Variants in OR4K1 observed in about 807,000 individuals in gnomAD.
The protein encoded by OR4K1 is olfactory receptor family 4 subfamily K member 1, also known as olfactory receptor 4K1.
Under a neutral mutation model 14.4 loss-of-function variants are expected in OR4K1, and 16 were observed. The observed-to-expected ratio is 1.11, with a 90% CI of 0.75 to 1.68. The LOEUF is 1.68. Among genes scored for constraint, OR4K1 ranks in the 40% most tolerant of loss-of-function variants. The pLI is 0.00. For missense variants in OR4K1, 548 were observed against 376.9 expected (o/e 1.45, Z -3.76); for synonymous variants, 181 against 133.1 (o/e 1.36, Z -2.48).
chr14:19,920,950 T>G, the OR4K1 span: 3 of 1,614,200 alleles, frequency 1.9e-6, no homozygotes, highest in Admixed American at 1.7e-5. Context: ...ATGGTGCTAC[T>G]TGTTTCGATG....
the OR4K1 span, among the ~76,000 whole-genome samples, chr14:19,923,175 T>C: frequency 6.6e-6 from 1 of 152,260 alleles, no homozygotes; most frequent in Admixed American, 6.5e-5. Flanking sequence ...TGTTCATTAT[T>C]TCCCTCAATT....
upstream of OR4K1, among the ~76,000 whole-genome samples, chr14:19,930,377 A>G (rs1053730640): frequency 1.3e-5 from 2 of 152,206 alleles, no homozygotes; most frequent in African/African-American, 4.8e-5. Context: ...TATAAAATAT[A>G]GTTGAAAAAG....
chr14:19,921,030 A>C, the OR4K1 span: 1 of 1,614,192 alleles, frequency 6.2e-7, no homozygotes, highest in Non-Finnish European at 8.5e-7. Context: ...AAGGACATGC[A>C]CTGTCTTGGT....
the OR4K1 span, chr14:19,921,622 A>AT: frequency 6.5e-7 from 1 of 1,531,278 alleles, no homozygotes; most frequent in Non-Finnish European, 8.8e-7. Context: ...ACTGTTTAAT[A>AT]TTTTAATGTA....
At chr14:19,932,211 A>G (rs2873706) in intron 1 of OR4K1, among the ~76,000 whole-genome samples, 10,057 of 151,378 alleles carry the variant, frequency 0.066, 560 homozygotes, top group East Asian at 0.47. Context: ...TCAAAAGTAT[A>G]TTTTTCAAAG....
the OR4K1 span, chr14:19,921,218 A>T: frequency 1.9e-6 from 3 of 1,614,180 alleles, no homozygotes; most frequent in Non-Finnish European, 2.5e-6. Context: ...TCAATAGTGG[A>T]ATTCTTTCCC....
At chr14:19,928,179 A>C (rs1244497006), upstream of OR4K1, among the ~76,000 whole-genome samples, 2 of 152,238 alleles carry the variant, frequency 1.3e-5, no homozygotes, top group East Asian at 3.8e-4. Flanking sequence ...CAAGGAATAG[A>C]CAAGGCATAG....
chr14:19,922,078 C>CT, the OR4K1 span, among the ~76,000 whole-genome samples: 30 of 150,596 alleles, frequency 2.0e-4, no homozygotes, highest in Admixed American at 1.5e-3. Context: ...CTCCCCCCCC[C>CT]AAAAATCAAT....
At chr14:19,920,757 TCTGATACCAGC>T in the OR4K1 span, 1 of 1,614,176 alleles carries the variant, frequency 6.2e-7, no homozygotes, top group South Asian at 1.1e-5. Context: ...CACAGTGACT[TCTGATACCAGC>T]CTGCACTCCC....
At chr14:19,926,775 C>A (rs1029397367), upstream of OR4K1, among the ~76,000 whole-genome samples, 7 of 152,176 alleles carry the variant, frequency 4.6e-5, no homozygotes, top group African/African-American at 1.7e-4. Context: ...GACCAGAAAT[C>A]CAATGAAATG....
the OR4K1 span, among the ~76,000 whole-genome samples, chr14:19,920,285 A>G: frequency 6.6e-6 from 1 of 152,232 alleles, no homozygotes; most frequent in African/African-American, 2.4e-5. Context: ...TCACTCCTCT[A>G]GTCTTGTTGT....
chr14:19,920,840 C>T, the OR4K1 span: 1 of 1,614,164 alleles, frequency 6.2e-7, no homozygotes, highest in African/African-American at 1.3e-5. Flanking sequence ...CTTTTGCTAC[C>T]CCTAAAATGA....
chr14:19,926,745 C>A (rs537647475), upstream of OR4K1, among the ~76,000 whole-genome samples: 39 of 152,320 alleles, frequency 2.6e-4, no homozygotes, highest in East Asian at 7.4e-3. Flanking sequence ...TGCAAACTGC[C>A]CAGCCATTCA....
the OR4K1 span, chr14:19,921,011 C>A: frequency 6.2e-7 from 1 of 1,614,072 alleles, no homozygotes; most frequent in African/African-American, 1.3e-5. Flanking sequence ...ATGTGGTCAT[C>A]ATGAGCCGAA....
At chr14:19,923,360 T>A in the OR4K1 span, among the ~76,000 whole-genome samples, 1 of 152,250 alleles carries the variant, frequency 6.6e-6, no homozygotes, top group African/African-American at 2.4e-5. Flanking sequence ...TCTCATCTCT[T>A]ATTTTTCAGT....
the OR4K1 span, chr14:19,920,743 T>A: frequency 1.2e-6 from 2 of 1,614,160 alleles, no homozygotes; most frequent in Non-Finnish European, 1.7e-6. Context: ...CTTCTCATTA[T>A]CCTCACAGTG....
intron 1 of OR4K1, among the ~76,000 whole-genome samples, chr14:19,934,518 T>C (rs139176695): frequency 3.2e-3 from 485 of 152,306 alleles, no homozygotes; most frequent in African/African-American, 0.011. Flanking sequence ...TTGCTTTCTA[T>C]GTGACAGAAG....
chr14:19,921,772 C>G, the OR4K1 span: 1 of 589,622 alleles, frequency 1.7e-6, no homozygotes, highest in South Asian at 2.8e-5. Context: ...GTTTAGATTA[C>G]TGGTTCTAGA....
chr14:19,934,823 AC>A, intron 1 of OR4K1, among the ~76,000 whole-genome samples: 1 of 152,310 alleles, frequency 6.6e-6, no homozygotes, highest in African/African-American at 2.4e-5. Flanking sequence ...GGTGCCCACC[AC>A]CACGCCCGGC....
Sources: gnomAD v4.1 joint callset for allele counts (sites outside exome capture counted in the v4.1 genomes callset) on GRCh38, gnomAD v4.1.1 for gene constraint, MANE v1.5 for transcripts, NCBI Gene and HGNC (gene_info 2026-07-23, HGNC 2026-07-21) for gene names.